DLC1: variants seen among roughly 807,000 people sequenced by gnomAD.
The protein encoded by DLC1 is rho GTPase-activating protein 7.
Under a neutral mutation model 140.3 loss-of-function variants are expected in DLC1, and 54 were observed. That is an observed-to-expected ratio of 0.38 (90% CI 0.31 to 0.48). The LOEUF (loss-of-function observed/expected upper bound fraction) is 0.48. DLC1 is among the 20% of genes least tolerant of loss of function. The probability of loss-of-function intolerance (pLI) is 0.96; values close to 1 mark genes in which losing one functional copy is unlikely to be tolerated. For missense variants in DLC1, 2,536 were observed against 1,907.0 expected, an observed-to-expected ratio of 1.33 and a Z score of -6.14; for synonymous variants, 986 against 728.1, an observed-to-expected ratio of 1.35 and a Z score of -5.70.
intron 7 of DLC1, among the ~76,000 whole-genome samples, chr8:13,107,226 G>A (rs1819641248): frequency 6.6e-6 from 1 of 152,106 alleles, no homozygotes; most frequent in Admixed American, 6.6e-5. Context: ...CTATGTCATT[G>A]TTCTCATAAA....
intron 2 of DLC1, among the ~76,000 whole-genome samples, chr8:13,483,308 A>C (rs146813482): frequency 1.3e-3 from 194 of 152,252 alleles, no homozygotes; most frequent in African/African-American, 4.0e-3. Flanking sequence ...TTTTCCAAAC[A>C]AGATCATATT....
intron 2 of DLC1, among the ~76,000 whole-genome samples, chr8:13,409,035 A>G (rs951473030): frequency 1.3e-5 from 2 of 151,696 alleles, no homozygotes; most frequent in African/African-American, 4.8e-5. Context: ...AAAGTCTTGT[A>G]TTGACCTGAC....
intron 4 of DLC1, among the ~76,000 whole-genome samples, chr8:13,319,875 T>G (rs1286893759): frequency 1.6e-5 from 2 of 126,512 alleles, no homozygotes; most frequent in African/African-American, 5.9e-5. Context: ...CAGGCTGCAG[T>G]GCACTGGTGT....
At chr8:13,194,052 G>A (rs1585884090) in intron 5 of DLC1, among the ~76,000 whole-genome samples, 1 of 152,286 alleles carries the variant, frequency 6.6e-6, no homozygotes, top group South Asian at 2.1e-4. Flanking sequence ...AGAGTGGCTA[G>A]GGCTTGGTCT....
intron 1 of DLC1, among the ~76,000 whole-genome samples, chr8:13,580,675 C>T (rs752269859): frequency 1.1e-4 from 16 of 152,286 alleles, no homozygotes; most frequent in Non-Finnish European, 2.4e-4. Flanking sequence ...ATAAATGTCT[C>T]TTCTCTAAAT....
chr8:13,087,454 C>T, intron 16 of DLC1, among the ~76,000 whole-genome samples: 1 of 152,232 alleles, frequency 6.6e-6, no homozygotes, highest in Admixed American at 6.5e-5. Context: ...TGATCTTGAA[C>T]TTCCCAGCCT....
intron 5 of DLC1, among the ~76,000 whole-genome samples, chr8:13,251,383 A>G (rs1829997276): frequency 1.3e-5 from 2 of 152,136 alleles, no homozygotes; most frequent in African/African-American, 4.8e-5. Flanking sequence ...ATTATTGGCA[A>G]TTTCGTACTG....
intron 1 of DLC1, among the ~76,000 whole-genome samples, chr8:13,545,185 T>C (rs969670244): frequency 6.6e-6 from 1 of 152,174 alleles, no homozygotes; most frequent in East Asian, 1.9e-4. Flanking sequence ...AGAACTAACA[T>C]TGCATTTAAA....
intron 1 of DLC1, among the ~76,000 whole-genome samples, chr8:13,579,339 A>AAAATACATATT (rs1804970002): frequency 2.0e-5 from 1 of 50,678 alleles, no homozygotes; most frequent in African/African-American, 1.2e-4. Context: ...ATATATATAT[A>AAAATACATATT]TATATATATA....
At chr8:13,202,740 T>C (rs1363981471) in intron 5 of DLC1, among the ~76,000 whole-genome samples, 1 of 152,018 alleles carries the variant, frequency 6.6e-6, no homozygotes, top group Admixed American at 6.6e-5. Flanking sequence ...GGGGTGCTAT[T>C]ACAGCTCACA....
At chr8:13,510,835 TG>T (rs1480547042) in intron 1 of DLC1, among the ~76,000 whole-genome samples, 1 of 152,172 alleles carries the variant, frequency 6.6e-6, no homozygotes, top group African/African-American at 2.4e-5. Context: ...TGTTAACCTC[TG>T]GCCCCAGGCT....
At chr8:13,398,116 C>T (rs540269642) in intron 3 of DLC1, among the ~76,000 whole-genome samples, 18 of 138,932 alleles carry the variant, frequency 1.3e-4, no homozygotes, top group Admixed American at 4.5e-4. Context: ...GGTGACAGAG[C>T]GAGAGTCCAT....
chr8:13,601,310 A>G (rs1805874666), intron 1 of DLC1, among the ~76,000 whole-genome samples: 1 of 151,876 alleles, frequency 6.6e-6, no homozygotes, highest in East Asian at 1.9e-4. Flanking sequence ...CAGTAAACAG[A>G]TGCTATCTTA....
chr8:13,575,095 G>C (rs1804791476), intron 1 of DLC1, among the ~76,000 whole-genome samples: 1 of 152,208 alleles, frequency 6.6e-6, no homozygotes, highest in African/African-American at 2.4e-5. Flanking sequence ...CTTTGGAATA[G>C]AGAATTCAGA....
At chr8:13,149,973 T>C (rs1326717003) in intron 5 of DLC1, among the ~76,000 whole-genome samples, 1 of 152,226 alleles carries the variant, frequency 6.6e-6, no homozygotes, top group African/African-American at 2.4e-5. Flanking sequence ...AAGGAAATAA[T>C]AGGCGTTTCT....
At chr8:13,106,537 T>C (rs935837892) in intron 7 of DLC1, among the ~76,000 whole-genome samples, 2 of 152,116 alleles carry the variant, frequency 1.3e-5, no homozygotes, top group Admixed American at 6.5e-5. Context: ...ATTATAGAAA[T>C]GGGGTCTTGC....
At chr8:13,393,419 ATAAAT>A (rs1286819017) in intron 4 of DLC1, 129 bp downstream of exon 4, 21 of 1,036,248 alleles carry the variant, frequency 2.0e-5, no homozygotes, top group Non-Finnish European at 2.8e-5. Context: ...ACTTAATTAA[ATAAAT>A]TAAATATCAT....
intron 5 of DLC1, among the ~76,000 whole-genome samples, chr8:13,265,533 C>A (rs996554037): frequency 6.6e-6 from 1 of 152,210 alleles, no homozygotes; most frequent in East Asian, 1.9e-4. Flanking sequence ...AATGAGAGCT[C>A]GGAATGTGTG....
At chr8:13,225,382 C>T (rs540925936) in intron 5 of DLC1, among the ~76,000 whole-genome samples, 2 of 152,158 alleles carry the variant, frequency 1.3e-5, no homozygotes, top group South Asian at 4.1e-4. Context: ...TGTGAACAAC[C>T]GGTTGGCACC....
Sources: gnomAD v4.1 joint callset for allele counts (sites outside exome capture counted in the v4.1 genomes callset) on GRCh38, gnomAD v4.1.1 for gene constraint, MANE v1.5 for transcripts, NCBI Gene and HGNC (gene_info 2026-07-23, HGNC 2026-07-21) for gene names.